AGBL1: variants seen among roughly 807,000 people sequenced by gnomAD.
AGBL1 encodes cytosolic carboxypeptidase 4.
Under a neutral mutation model 118.9 loss-of-function variants are expected in AGBL1, and 130 were observed. That is an observed-to-expected ratio of 1.09 (90% CI 0.95 to 1.26). The LOEUF (loss-of-function observed/expected upper bound fraction) is 1.26, where lower values mean the gene tolerates loss of function less well. Ranked by LOEUF, AGBL1 falls within the 50% of genes most tolerant of loss-of-function variation. The pLI, the probability that AGBL1 is intolerant of heterozygous loss-of-function variation, is 0.00. For missense variants in AGBL1, 1,584 were observed against 1,298.1 expected (o/e 1.22, Z -3.38); for synonymous variants, 555 against 478.9 (o/e 1.16, Z -2.08).
At chr15:86,480,026 AATTGAAC>A (rs2082628746) in intron 18 of AGBL1, among the ~76,000 whole-genome samples, 1 of 152,170 alleles carries the variant, frequency 6.6e-6, no homozygotes, top group African/African-American at 2.4e-5. Context: ...CATAGGTGGG[AATTGAAC>A]AATGAGAACA....
chr15:87,003,013 T>A, intron 24 of AGBL1, among the ~76,000 whole-genome samples: 1 of 152,198 alleles, frequency 6.6e-6, no homozygotes, highest in East Asian at 1.9e-4. Context: ...TCCAACACTA[T>A]GTTGAATAGG....
chr15:86,578,179 C>A (rs1446984755), intron 21 of AGBL1, among the ~76,000 whole-genome samples: 4 of 152,196 alleles, frequency 2.6e-5, no homozygotes, highest in Non-Finnish European at 5.9e-5. Flanking sequence ...CTGCCCAAGA[C>A]CATGGAAACG....
intron 22 of AGBL1, among the ~76,000 whole-genome samples, chr15:86,825,079 AC>A (rs1316149929): frequency 6.6e-6 from 1 of 151,896 alleles, no homozygotes; most frequent in Non-Finnish European, 1.5e-5. Flanking sequence ...AACAAACAAA[AC>A]AAAAAACAAA....
chr15:86,402,652 A>C (rs2081465955), intron 18 of AGBL1, among the ~76,000 whole-genome samples: 1 of 152,188 alleles, frequency 6.6e-6, no homozygotes, highest in Non-Finnish European at 1.5e-5. Flanking sequence ...TCTCTCACCA[A>C]TAAAAATGGG....
intron 21 of AGBL1, among the ~76,000 whole-genome samples, chr15:86,562,777 C>CT (rs894277604): frequency 2.0e-5 from 3 of 152,152 alleles, no homozygotes; most frequent in Admixed American, 6.5e-5. Context: ...TGGTCCTGGA[C>CT]TTTTTTTGGT....
In AGBL1 at chr15:86,905,881, T is replaced by C. The variant is rs547581199; in HGVS notation, c.3159-1206T>C. On this transcript the variant is annotated intron_variant, in intron 22 of 22. Transcript: ENST00000614907. ...CCACAAGTCAGCCTGTAAAATATGA[T>C]AACAATTTAATGTTGTGATGCTGTA... Among the ~76,000 whole-genome samples, 18 of 152,308 alleles carry C rather than the reference T, an allele frequency of 1.2e-4. No individual in the cohort carries two copies. The South Asian group carries it at 2.1e-3, about 18-fold the overall frequency.
At chr15:86,294,953 T>A (rs1270527554) in intron 16 of AGBL1, among the ~76,000 whole-genome samples, 2 of 152,192 alleles carry the variant, frequency 1.3e-5, no homozygotes, top group African/African-American at 4.8e-5. Flanking sequence ...TTTCCTCGTA[T>A]GTCACAGCGA....
At chr15:86,357,466 C>T (rs778816378) in intron 17 of AGBL1, among the ~76,000 whole-genome samples, 2 of 152,080 alleles carry the variant, frequency 1.3e-5, no homozygotes, top group African/African-American at 4.8e-5. Flanking sequence ...AAAATGACTC[C>T]ACCTGAACTT....
At chr15:86,891,629 A>G (rs1258637984) in intron 22 of AGBL1, among the ~76,000 whole-genome samples, 3 of 152,082 alleles carry the variant, frequency 2.0e-5, no homozygotes, top group Non-Finnish European at 4.4e-5. Context: ...ATGCTGAAAC[A>G]ATAGTAGCTT....
At chr15:86,091,660 C>T (rs1217317673) in intron 1 of AGBL1, among the ~76,000 whole-genome samples, 1 of 152,152 alleles carries the variant, frequency 6.6e-6, no homozygotes, top group Non-Finnish European at 1.5e-5. Context: ...CAATTCAGGG[C>T]AATAAGCCAC....
chr15:87,005,441 G>A (rs879684584), intron 24 of AGBL1, among the ~76,000 whole-genome samples: 4 of 151,822 alleles, frequency 2.6e-5, no homozygotes, highest in Non-Finnish European at 5.9e-5. Flanking sequence ...TCATTCATTT[G>A]ATCTTCAATC....
At chr15:87,023,842 C>T (rs1475371689) in intron 24 of AGBL1, among the ~76,000 whole-genome samples, 1 of 151,858 alleles carries the variant, frequency 6.6e-6, no homozygotes, top group East Asian at 1.9e-4. Context: ...ACTTCAAAGC[C>T]ATGCAAATAC....
At chr15:86,222,470 G>A (rs1037867273) in intron 5 of AGBL1, among the ~76,000 whole-genome samples, 14 of 151,948 alleles carry the variant, frequency 9.2e-5, no homozygotes, top group Admixed American at 3.3e-4. Context: ...CTCAGCTCTC[G>A]TTAATTTTTT....
chr15:86,289,927 C>A (rs1430825212), intron 16 of AGBL1, among the ~76,000 whole-genome samples: 1 of 152,182 alleles, frequency 6.6e-6, no homozygotes, highest in Non-Finnish European at 1.5e-5. Context: ...GCCTATCACA[C>A]CAACATAAGC....
intron 22 of AGBL1, among the ~76,000 whole-genome samples, chr15:86,836,946 C>A (rs2079178285): frequency 6.6e-6 from 1 of 152,086 alleles, no homozygotes; most frequent in African/African-American, 2.4e-5. Context: ...TTTATCTGTT[C>A]ATTATCTGCT....
At chr15:86,622,790 CTTTATT>C (rs1252970858) in intron 21 of AGBL1, among the ~76,000 whole-genome samples, 1 of 152,076 alleles carries the variant, frequency 6.6e-6, no homozygotes, top group East Asian at 1.9e-4. Flanking sequence ...TTACCGTGTA[CTTTATT>C]TTTATTAATA....
At chr15:86,271,355 C>T (rs1450335433) in intron 14 of AGBL1, among the ~76,000 whole-genome samples, 1 of 152,084 alleles carries the variant, frequency 6.6e-6, no homozygotes, top group Non-Finnish European at 1.5e-5. Context: ...AGCCACCATG[C>T]CTGGCCACGT....
intron 24 of AGBL1, among the ~76,000 whole-genome samples, chr15:87,020,069 T>C (rs1478837726): frequency 6.6e-6 from 1 of 151,084 alleles, no homozygotes; most frequent in Non-Finnish European, 1.5e-5. Flanking sequence ...AGGAAAAAAA[T>C]TGAATCCCTG....
At chr15:86,564,984 G>A (rs1330200166) in intron 21 of AGBL1, among the ~76,000 whole-genome samples, 5 of 152,034 alleles carry the variant, frequency 3.3e-5, no homozygotes, top group Non-Finnish European at 7.4e-5. Context: ...AGCTCCATCA[G>A]GTCCTTTAAG....
Sources: gnomAD v4.1 joint callset for allele counts (sites outside exome capture counted in the v4.1 genomes callset) on GRCh38, gnomAD v4.1.1 for gene constraint, MANE v1.5 for transcripts, NCBI Gene and HGNC (gene_info 2026-07-23, HGNC 2026-07-21) for gene names.